Variants in PPP1R37 observed in about 807,000 individuals in gnomAD.
The protein encoded by PPP1R37 is leucine rich repeat containing 68.
A neutral mutation model predicts 61.0 loss-of-function variants in PPP1R37; 21 were observed. That is an observed-to-expected ratio of 0.34 (90% CI 0.24 to 0.50). The LOEUF is 0.50. Ranked by LOEUF, PPP1R37 falls within the 20% of genes least tolerant of loss-of-function variation. PPP1R37 has a pLI of 0.98. For synonymous variants in PPP1R37, 443 were observed against 433.5 expected (o/e 1.02, Z -0.27); for missense variants, 910 against 952.7 (o/e 0.96, Z 0.59).
chr19:45,111,782 G>A lies in PPP1R37; in HGVS notation c.202+18255G>A, dbSNP rs371825092. Among the ~76,000 whole-genome samples the A allele has an allele frequency of 7.9e-5, 12 of 151,916 alleles. No homozygotes were observed. The South Asian group carries it at 2.3e-3, about 29-fold the overall frequency. ...GTGTTTTTTATTTTTTGCGGGGGGC[G>A]GGGGTGGATGGGTGAGGGACAGGTG... On this transcript the variant is annotated intron_variant, in intron 1 of 12. Coordinates refer to ENST00000221462, the MANE Select transcript of PPP1R37 (RefSeq NM_019121.2).
rs377575269 is a variant in PPP1R37, at chr19:45,097,704, G to A, written c.202+4177G>A. Among the ~76,000 whole-genome samples the A allele has an allele frequency of 2.2e-3, 327 of 152,024 alleles. 1 individual carries two copies. Among genetic ancestry groups the A allele is most frequent in the African/African-American group, 7.5e-3 (311 of 41,448 alleles). ...GCTGGGGCTGCTGTTTCCTCATTAC[G>A]TGAATGGCCATCTGATGTTCTTCTG... is the stretch of plus-strand genomic sequence containing the variant. On this transcript the variant is annotated intron_variant, in intron 1 of 12. Transcript: ENST00000221462.
chr19:45,140,115 G>A, intron 2 of PPP1R37, 121 bp from the exon 3 acceptor site: 1 of 828,774 alleles, frequency 1.2e-6, no homozygotes, highest in Non-Finnish European at 1.9e-6. Flanking sequence ...CCTCTGTTCA[G>A]TGCCTTCGCC....
intron 1 of PPP1R37, among the ~76,000 whole-genome samples, chr19:45,118,097 A>G (rs967228290): frequency 2.0e-5 from 3 of 152,364 alleles, no homozygotes; most frequent in South Asian, 4.1e-4. Flanking sequence ...CTCAGCAGCC[A>G]GAAGTCCCCG....
intron 1 of PPP1R37, among the ~76,000 whole-genome samples, chr19:45,133,233 G>A (rs1009145275): frequency 2.0e-5 from 3 of 152,100 alleles, no homozygotes; most frequent in Admixed American, 6.5e-5. Flanking sequence ...ACAGGCATGC[G>A]CCACAACACC....
At chr19:45,115,936 T>G (rs1968261501) in intron 1 of PPP1R37, among the ~76,000 whole-genome samples, 1 of 150,986 alleles carries the variant, frequency 6.6e-6, no homozygotes, top group Non-Finnish European at 1.5e-5. Context: ...ATTGTGCCAC[T>G]GCACTCCAGC....
At chr19:45,133,954 A>G (rs1352651121) in intron 1 of PPP1R37, among the ~76,000 whole-genome samples, 1 of 152,142 alleles carries the variant, frequency 6.6e-6, no homozygotes, top group Admixed American at 6.5e-5. Context: ...AGCATCTCTC[A>G]TGTGGTTAGT....
Position 45,142,111 on chromosome 19 carries a change from C to G in PPP1R37, c.618C>G (p.His206Gln), listed in dbSNP as rs1276871420. 2 of 1,534,224 alleles carry G rather than the reference C, an allele frequency of 1.3e-6. No individual in the cohort carries two copies. The highest frequency in any genetic ancestry group is 2.7e-5 in the African/African-American group (2 of 73,028). ...CCCGCAACACGCCCCTGCTGGACCA[C>G]TCGGCGCCCTTCGTGGCCCGTGCCC... ...LDARNTPLLD[H>Q]SAPFVARALR... The change falls in exon 6 of 13, where the codon CAC becomes CAG. Residue 206 changes from histidine (H) to glutamine (Q), a missense_variant. This residue lies in a region of PPP1R37 where 280 missense variants were observed against 382.2 expected (regional missense o/e 0.73). Coordinates refer to ENST00000221462, the MANE Select transcript of PPP1R37 (RefSeq NM_019121.2).
At chr19:45,146,073 G>A in intron 11 of PPP1R37, 24 bp downstream of exon 11, 2 of 1,505,840 alleles carry the variant, frequency 1.3e-6, no homozygotes, top group South Asian at 2.5e-5. Flanking sequence ...TAGGGCAGGT[G>A]TTGAGGGGCC....
intron 2 of PPP1R37, among the ~76,000 whole-genome samples, chr19:45,139,986 G>A (rs1968588934): frequency 6.6e-6 from 1 of 152,274 alleles, no homozygotes; most frequent in African/African-American, 2.4e-5. Flanking sequence ...CTGGGGCAGA[G>A]GGCTTCGCCC....
At chr19:45,105,504 G>T (rs1968118698) in intron 1 of PPP1R37, among the ~76,000 whole-genome samples, 1 of 152,096 alleles carries the variant, frequency 6.6e-6, no homozygotes, top group Admixed American at 6.5e-5. Context: ...TCACGGGGTG[G>T]CAGGCAAGGT....
intron 1 of PPP1R37, among the ~76,000 whole-genome samples, chr19:45,126,875 G>A (rs1312763007): frequency 1.3e-5 from 2 of 152,220 alleles, no homozygotes; most frequent in South Asian, 2.1e-4. Flanking sequence ...TTCTGAGTCA[G>A]CACATCACCA....
At chr19:45,128,267 C>T (rs1968433830) in intron 1 of PPP1R37, among the ~76,000 whole-genome samples, 1 of 152,224 alleles carries the variant, frequency 6.6e-6, no homozygotes, top group Non-Finnish European at 1.5e-5. Context: ...ACAGCAGCCA[C>T]AGCCCAGGCC....
rs572121199 is a variant in PPP1R37 at position 45,119,363 on chromosome 19, G to A, written c.203-19151G>A. 4.6e-5 allele frequency among the ~76,000 whole-genome samples: 7 copies of A among 152,230 alleles called. No homozygotes were observed. The South Asian group carries it at 1.0e-3, about 23-fold the overall frequency. ...AGATGGGGTTTTGCCCTGTTGGCCC[G>A]ACTGGTGTCGAACTCCTGACCTCAG... On this transcript the variant is annotated intron_variant, in intron 1 of 12. Coordinates refer to ENST00000221462, the MANE Select transcript of PPP1R37 (RefSeq NM_019121.2).
intron 1 of PPP1R37, among the ~76,000 whole-genome samples, chr19:45,105,175 C>T (rs1968114318): frequency 2.0e-5 from 3 of 152,174 alleles, no homozygotes; most frequent in Admixed American, 2.0e-4. Flanking sequence ...CCATGAGCAG[C>T]TCAGACAGTC....
chr19:45,126,382 T>G (rs1177441510), intron 1 of PPP1R37, among the ~76,000 whole-genome samples: 1 of 152,060 alleles, frequency 6.6e-6, no homozygotes, highest in African/African-American at 2.4e-5. Flanking sequence ...AAGGTGCTGT[T>G]GATGCAGCAG....
rs1371157301 is a variant in PPP1R37, at chr19:45,142,146, G to A, written c.653G>A (p.Arg218His). 22 of 1,534,988 alleles carry A rather than the reference G, an allele frequency of 1.4e-5. No individual in the cohort carries two copies. Among genetic ancestry groups the A allele is most frequent in the African/African-American group, 4.1e-5 (3 of 72,980 alleles). Residue 218 changes from arginine (R) to histidine (H), a missense_variant, in exon 6 of 13, where the codon CGC becomes CAC. Arg to His is a conservative substitution (Grantham distance 29, BLOSUM62 0). Coordinates refer to ENST00000221462, the MANE Select transcript of PPP1R37 (RefSeq NM_019121.2). ...APFVARALRIRSSLAVLHLEN... is the reference protein window; with the variant it reads ...APFVARALRIHSSLAVLHLEN... ...TTCGTGGCCCGTGCCCTGCGCATCC[G>A]CAGCAGCCTGGCAGTGCTGCACTTG... is the stretch of plus-strand genomic sequence containing the variant.
chr19:45,146,651 G>A lies in PPP1R37; in HGVS notation c.*89G>A, dbSNP rs373571262. On this transcript the variant is annotated 3_prime_UTR_variant, in exon 13 of 13. Transcript: ENST00000221462. ...TCACCTTCCCCCCAGCCTTCCTGAG[G>A]CCCAGGATGCCAGGGGTGGGGGCCA... 3.5e-6 allele frequency: 2 copies of A among 578,048 alleles called. No homozygotes were observed. The highest frequency in any genetic ancestry group is 3.0e-5 in the East Asian group (1 of 33,270). The allele number at this position is 578,048 out of a possible 1,614,324, so 35.8% of individuals were successfully genotyped here.
intron 1 of PPP1R37, among the ~76,000 whole-genome samples, chr19:45,096,339 G>A (rs528393169): frequency 4.6e-5 from 7 of 152,136 alleles, no homozygotes; most frequent in Non-Finnish European, 1.0e-4. Context: ...TTGGGCTTTG[G>A]GGGGTAAAGT....
intron 1 of PPP1R37, among the ~76,000 whole-genome samples, chr19:45,106,409 T>A (rs113300401): frequency 0.14 from 21,693 of 151,788 alleles, 1,720 homozygotes; most frequent in Non-Finnish European, 0.17. Context: ...GCCCAGCTAA[T>A]TTTTTTGTAT....
Sources: gnomAD v4.1 joint callset for allele counts (sites outside exome capture counted in the v4.1 genomes callset) on GRCh38, gnomAD v4.1.1 for gene constraint, gnomAD v4.1.1 regional missense constraint, MANE v1.5 for transcripts, NCBI Gene and HGNC (gene_info 2026-07-23, HGNC 2026-07-21) for gene names.